The following AMBRA1 variants were observed in gnomAD, a reference collection of about 807,000 sequenced individuals.
The protein encoded by AMBRA1 is autophagy and beclin 1 regulator 1.
AMBRA1 carries 47 observed loss-of-function variants against 125.4 expected under a neutral mutation model. The ratio of observed to expected loss-of-function variants is 0.37; its 90% CI spans 0.30 to 0.48. The LOEUF (loss-of-function observed/expected upper bound fraction) is 0.48, where lower values mean the gene tolerates loss of function less well. Ranked by LOEUF, AMBRA1 falls within the 20% of genes least tolerant of loss-of-function variation. The probability of loss-of-function intolerance (pLI) is 0.99; values close to 1 mark genes in which losing one functional copy is unlikely to be tolerated. For synonymous variants in AMBRA1, 626 were observed against 655.5 expected, an observed-to-expected ratio of 0.95 and a Z score of 0.69; for missense variants, 1,331 against 1,693.4, an observed-to-expected ratio of 0.79 and a Z score of 3.76.
intron 1 of AMBRA1, among the ~76,000 whole-genome samples, chr11:46,578,519 A>T (rs1489878762): frequency 1.3e-5 from 2 of 151,750 alleles, no homozygotes; most frequent in Non-Finnish European, 2.9e-5. Context: ...ACTGTAGCCA[A>T]AATGTTTATT....
intron 8 of AMBRA1, among the ~76,000 whole-genome samples, chr11:46,510,663 T>C (rs1951222787): frequency 6.6e-6 from 1 of 152,212 alleles, no homozygotes; most frequent in Non-Finnish European, 1.5e-5. Context: ...CCCCAAGCTA[T>C]GAAACTGTAG....
chr11:46,515,437 C>A (rs534165964), intron 7 of AMBRA1, among the ~76,000 whole-genome samples: 13 of 152,200 alleles, frequency 8.5e-5, no homozygotes, highest in African/African-American at 2.6e-4. Context: ...CGCACTACTG[C>A]ACTCCAGACT....
chr11:46,543,762 AATGAGGCAATC>A (rs1178068035), intron 6 of AMBRA1, among the ~76,000 whole-genome samples: 1 of 152,192 alleles, frequency 6.6e-6, no homozygotes, highest in Non-Finnish European at 1.5e-5. Context: ...GGTTACTTCT[AATGAGGCAATC>A]ACTGGAGGGT....
chr11:46,444,866 G>C (rs948367484), intron 11 of AMBRA1, among the ~76,000 whole-genome samples: 1 of 152,138 alleles, frequency 6.6e-6, no homozygotes, highest in African/African-American at 2.4e-5. Flanking sequence ...TCTTCCGGTT[G>C]CTGCTGGCCA....
At chr11:46,497,081 A>C (rs573049397) in intron 9 of AMBRA1, among the ~76,000 whole-genome samples, 1 of 152,192 alleles carries the variant, frequency 6.6e-6, no homozygotes, top group Admixed American at 6.5e-5. Context: ...ACTGCATTCC[A>C]GCCTGGGTGA....
intron 11 of AMBRA1, among the ~76,000 whole-genome samples, chr11:46,484,690 A>C (rs1473593913): frequency 6.6e-6 from 1 of 151,032 alleles, no homozygotes; most frequent in Non-Finnish European, 1.5e-5. Flanking sequence ...TCTGTCGCCC[A>C]GGCTGGAGTG....
intron 11 of AMBRA1, among the ~76,000 whole-genome samples, chr11:46,469,211 T>G (rs1221152646): frequency 6.6e-6 from 1 of 152,228 alleles, no homozygotes. Flanking sequence ...GTTATATCTA[T>G]ATCTAACGTA....
chr11:46,410,962 G>A (rs1358175700), intron 15 of AMBRA1, among the ~76,000 whole-genome samples: 3 of 152,108 alleles, frequency 2.0e-5, no homozygotes, highest in South Asian at 2.1e-4. Context: ...TTAGCTGGCC[G>A]TGGTGGCACA....
At chr11:46,400,491 T>G (rs1284105669) in intron 17 of AMBRA1, among the ~76,000 whole-genome samples, 1 of 80,522 alleles carries the variant, frequency 1.2e-5, no homozygotes, top group East Asian at 2.6e-4. Flanking sequence ...TTTTTTTTTT[T>G]TTTTTTTTTT....
At position 46,547,121 on chromosome 11, in the gene AMBRA1, C is replaced by A; in HGVS notation, c.370G>T (p.Asp124Tyr). 6.2e-7 allele frequency: 1 copy of A among 1,602,730 alleles called. No individual in the cohort carries two copies. The highest frequency in any genetic ancestry group is 1.1e-5 in the South Asian group (1 of 88,704). Residue 124 changes from aspartate to tyrosine, a missense_variant, in exon 4 of 18, where the codon GAT becomes TAT. By Grantham distance (160) the Asp-to-Tyr change is radical. Coordinates refer to ENST00000683756, the MANE Select transcript of AMBRA1 (RefSeq NM_001387011.1). ...GCLDGEVRIW[D>Y]LHGGSESWFT... ...CTTAAGGAAATACTCACGTGTAAAT[C>A]CCAAATCCTAACCTCCCCATCTAGG...
chr11:46,429,192 T>C, intron 14 of AMBRA1: 2 of 1,474,338 alleles, frequency 1.4e-6, no homozygotes, highest in South Asian at 2.4e-5. Flanking sequence ...CCTCCCCCTC[T>C]CCCTCGGACA....
intron 7 of AMBRA1, among the ~76,000 whole-genome samples, chr11:46,519,930 G>C (rs1461887194): frequency 1.3e-5 from 2 of 152,002 alleles, no homozygotes; most frequent in Non-Finnish European, 2.9e-5. Context: ...ACCTGAGGTT[G>C]GGAGTTCAAG....
chr11:46,429,122 G>T (rs1264420899), intron 14 of AMBRA1: 4 of 1,601,414 alleles, frequency 2.5e-6, no homozygotes, highest in Non-Finnish European at 3.4e-6. Flanking sequence ...TTCATAAATG[G>T]CAATCCGGTT....
chr11:46,555,167 C>G (rs1441241747), intron 1 of AMBRA1, among the ~76,000 whole-genome samples: 1 of 152,188 alleles, frequency 6.6e-6, no homozygotes, highest in African/African-American at 2.4e-5. Context: ...TGACTGAGTA[C>G]TCTCCAAAGG....
chr11:46,413,581 C>T (rs560223498), intron 15 of AMBRA1, among the ~76,000 whole-genome samples: 6 of 151,434 alleles, frequency 4.0e-5, no homozygotes, highest in African/African-American at 1.5e-4. Flanking sequence ...ACCTCAGCCT[C>T]CCAGATTCGA....
At position 46,541,964 on chromosome 11, in the gene AMBRA1, C is replaced by G; in HGVS notation, c.2053G>C (p.Glu685Gln). ...GCTTACCTCCTGAGTGAATCCTCCT[C>G]AGAGCTCTCCTCAGGCATATCCTGA... The part of the protein sequence containing the change: ...LHQDMPEESS[E>Q]EDSLRRRLLE... Residue 685 changes from glutamate to glutamine, a missense_variant, in exon 7 of 18, where the codon GAG becomes CAG. By Grantham distance (29) the Glu-to-Gln change is conservative (BLOSUM62 2). Transcript: ENST00000683756. The G allele has an allele frequency of 6.2e-7, 1 of 1,612,252 alleles. No homozygotes were observed. Among genetic ancestry groups the G allele is most frequent in the Non-Finnish European group, 8.5e-7 (1 of 1,179,538 alleles).
At chr11:46,476,938 C>A (rs1435933011) in intron 11 of AMBRA1, among the ~76,000 whole-genome samples, 1 of 152,036 alleles carries the variant, frequency 6.6e-6, no homozygotes. Flanking sequence ...AAAACCTTGT[C>A]TCTACTAAAA....
chr11:46,554,334 C>T (rs1473253082), intron 1 of AMBRA1, among the ~76,000 whole-genome samples: 1 of 152,160 alleles, frequency 6.6e-6, no homozygotes, highest in Non-Finnish European at 1.5e-5. Context: ...CAATAAAATA[C>T]AGGTCACAAG....
At chr11:46,547,336 G>A (rs1302235913) in intron 3 of AMBRA1, 40 bp from the exon 4 acceptor site, 3 of 1,546,498 alleles carry the variant, frequency 1.9e-6, no homozygotes, top group Non-Finnish European at 2.6e-6. Flanking sequence ...AGAAGCATGT[G>A]GAAGGGTAAC....
Sources: gnomAD v4.1 joint callset for allele counts (sites outside exome capture counted in the v4.1 genomes callset) on GRCh38, gnomAD v4.1.1 for gene constraint, MANE v1.5 for transcripts, NCBI Gene and HGNC (gene_info 2026-07-23, HGNC 2026-07-21) for gene names.